The following NRG2 variants were observed in gnomAD, a reference collection of about 807,000 sequenced individuals.
NRG2 encodes the protein pro-neuregulin-2, membrane-bound isoform.
A neutral mutation model predicts 73.9 loss-of-function variants in NRG2; 27 were observed. That is an observed-to-expected ratio of 0.37 (90% CI 0.27 to 0.50). The LOEUF (loss-of-function observed/expected upper bound fraction) is 0.50, where lower values mean the gene tolerates loss of function less well. Among genes scored for constraint, NRG2 ranks in the 20% least tolerant of loss-of-function variants. The probability of loss-of-function intolerance (pLI) is 0.96; values close to 1 mark genes in which losing one functional copy is unlikely to be tolerated. For missense variants in NRG2, 1,126 were observed against 1,210.1 expected, an observed-to-expected ratio of 0.93 and a Z score of 1.03; for synonymous variants, 532 against 541.0, an observed-to-expected ratio of 0.98 and a Z score of 0.23.
At chr5:139,948,252 G>C (rs1053847582) in intron 1 of NRG2, among the ~76,000 whole-genome samples, 7 of 152,192 alleles carry the variant, frequency 4.6e-5, no homozygotes, top group African/African-American at 1.7e-4. Flanking sequence ...TCTTTCCTGA[G>C]ACGAATACTC....
At position 139,856,024 on chromosome 5, in the gene NRG2, C is replaced by T. The variant is rs1761786386; in HGVS notation, c.1190-246G>A. ...CACAACTCCTCCTGAGTTCCCCTCC[C>T]CAAGCCCCATGCCTGCCCAGAGCAC... On this transcript the variant is annotated intron_variant, in intron 5 of 9. Coordinates refer to ENST00000361474, the MANE Select transcript of NRG2 (RefSeq NM_004883.3). The surrounding 1 kb of genome is among the most constrained non-coding windows in gnomAD (Gnocchi z 4.2). 1.9e-6 allele frequency: 1 copy of T among 538,306 alleles called. No individual in the cohort carries two copies. The highest frequency in any genetic ancestry group is 3.4e-6 in the Non-Finnish European group (1 of 297,686). 33.3% of individuals were successfully genotyped at this position (538,306 alleles called of 1,614,324 possible). A position where few individuals can be genotyped will look rare whatever the true frequency, so the allele number is the denominator to read the frequency against.
chr5:139,999,045 C>T (rs1026831577), intron 1 of NRG2, among the ~76,000 whole-genome samples: 2 of 152,160 alleles, frequency 1.3e-5, no homozygotes, highest in Non-Finnish European at 2.9e-5. Context: ...CTAGGGACTT[C>T]ACTGTCCTAA....
At chr5:139,940,467 T>C (rs1222463420) in intron 1 of NRG2, among the ~76,000 whole-genome samples, 1 of 152,224 alleles carries the variant, frequency 6.6e-6, no homozygotes, top group Non-Finnish European at 1.5e-5. Context: ...TGTAGTGATG[T>C]TTACCTGACT....
chr5:139,911,871 A>G (rs1286700840), intron 1 of NRG2, among the ~76,000 whole-genome samples: 3 of 152,220 alleles, frequency 2.0e-5, no homozygotes, highest in African/African-American at 7.2e-5. Flanking sequence ...CTATGTAAGT[A>G]CCTAATTTAT....
In NRG2 at chr5:140,043,001, G is replaced by A; in HGVS notation, c.69C>T (p.Ser23=). ...TCTCGCTGCTGCTGCTGCTGCTGTC[G>A]CTGTAGCTGCTGCACCGACCCTTCT... The part of the protein sequence containing the change: ...PLEKGRCSSY[S]DSSSSSSERS... The change falls in exon 1 of 10, where the codon AGC becomes AGT. Residue 23 remains serine, a synonymous_variant. Transcript: ENST00000361474. The surrounding 1 kb of genome is among the most constrained non-coding windows in gnomAD (Gnocchi z 6.7). 6.4e-7 allele frequency: 1 copy of A among 1,565,584 alleles called. No homozygotes were observed.
rs1765079165 is a variant in NRG2, at chr5:139,904,310, T to C, written c.701-16799A>G. 6.3e-7 allele frequency: 1 copy of C among 1,590,246 alleles called. No individual in the cohort carries two copies. On this transcript the variant is annotated intron_variant, in intron 1 of 9. Coordinates refer to ENST00000361474, the MANE Select transcript of NRG2 (RefSeq NM_004883.3). This position sits in a 1 kb window ranked among gnomAD's most constrained non-coding sequence, Gnocchi z 6.0. ...TGGGCGCGCGGAGGTGCCCTACCTT[T>C]CTCCCCGGGATCGGGCTCCCTCTCC... is the stretch of plus-strand genomic sequence containing the variant.
intron 1 of NRG2, among the ~76,000 whole-genome samples, chr5:139,986,645 T>A (rs1391037160): frequency 6.6e-6 from 1 of 152,140 alleles, no homozygotes; most frequent in Non-Finnish European, 1.5e-5. Context: ...ACCTCTGCAG[T>A]GATGTTCTGT....
At position 139,847,654 on chromosome 5, in the gene NRG2, TTTG is replaced by T. The variant is rs978241663; in HGVS notation, c.*260_*262del. 1.1e-4 allele frequency: 35 copies of T among 309,906 alleles called. No individual in the cohort carries two copies. The highest frequency in any genetic ancestry group is 2.6e-4 in the African/African-American group (12 of 46,396). 19.2% of individuals were successfully genotyped at this position (309,906 alleles called of 1,614,324 possible). A position where few individuals can be genotyped will look rare whatever the true frequency, so the allele number is the denominator to read the frequency against. On this transcript the variant is annotated 3_prime_UTR_variant, in exon 10 of 10. Coordinates refer to ENST00000361474, the MANE Select transcript of NRG2 (RefSeq NM_004883.3). ...AAAATTGGCCCATCTCTCTTTTTTT[TTTG>T]TTGTTTCTTTTTTTTTTCCGAAGCT... is the stretch of plus-strand genomic sequence containing the variant.
In NRG2 at chr5:140,023,937, T is replaced by C. The variant is rs1271341480; in HGVS notation, c.700+18433A>G. Among the ~76,000 whole-genome samples the C allele has an allele frequency of 2.6e-5, 4 of 152,160 alleles. No individual in the cohort carries two copies. The South Asian group carries it at 6.2e-4, about 24-fold the overall frequency. On this transcript the variant is annotated intron_variant, in intron 1 of 9. Transcript: ENST00000361474. ...CCAAGCAGGCCAAGTCTTCTATCTA[T>C]GGAGTGCAGAGAGGTCACCTTGAGC... is the stretch of plus-strand genomic sequence containing the variant.
intron 1 of NRG2, among the ~76,000 whole-genome samples, chr5:140,030,118 C>G (rs190254543): frequency 6.6e-6 from 1 of 152,172 alleles, no homozygotes; most frequent in South Asian, 2.1e-4. Context: ...CACTATTGAT[C>G]GCCCTTTTCT....
intron 1 of NRG2, among the ~76,000 whole-genome samples, chr5:139,952,299 C>T (rs1233198845): frequency 1.3e-5 from 2 of 152,152 alleles, no homozygotes; most frequent in Admixed American, 6.5e-5. Flanking sequence ...CAGGGCCCAG[C>T]CTCTGTACCT....
intron 3 of NRG2, among the ~76,000 whole-genome samples, chr5:139,879,308 A>C (rs912961152): frequency 6.6e-6 from 1 of 152,182 alleles, no homozygotes; most frequent in African/African-American, 2.4e-5. Flanking sequence ...CAAAGGCTAG[A>C]ATTCAAGAGA....
chr5:139,981,005 T>C (rs264347), intron 1 of NRG2, among the ~76,000 whole-genome samples: 88,653 of 151,986 alleles, frequency 0.58, 27,542 homozygotes, highest in African/African-American at 0.8. Context: ...GCTCCTGGGG[T>C]GCAGCGTGGC....
In NRG2 at chr5:139,848,533, G is replaced by A. The variant is rs1256459253; in HGVS notation, c.1937C>T (p.Pro646Leu). ...GGGGGGCGCCGGGTGCCGCAGTAACGGCTGCTGCTCGGCCAGGCGGTAACT... is the reference window on the plus strand; with the variant it reads ...GGGGGGCGCCGGGTGCCGCAGTAACAGCTGCTGCTCGGCCAGGCGGTAACT... ...PISYRLAEQQ[P>L]LLRHPAPPGP... The change falls in exon 10 of 10, where the codon CCG becomes CTG. Residue 646 changes from proline to leucine, a missense_variant. By Grantham distance (98) the Pro-to-Leu change is moderately conservative. This residue lies in a region of NRG2 where 402 missense variants were observed against 357.8 expected (regional missense o/e 1.12). Coordinates refer to ENST00000361474, the MANE Select transcript of NRG2 (RefSeq NM_004883.3). 2.1e-6 allele frequency: 3 copies of A among 1,462,594 alleles called. No individual in the cohort carries two copies. The highest frequency in any genetic ancestry group is 1.9e-4 in the Middle Eastern group (1 of 5,346). The allele number at this position is 1,462,594 out of a possible 1,614,324, so 90.6% of individuals were successfully genotyped here.
At chr5:140,038,869 G>C (rs925308915) in intron 1 of NRG2, among the ~76,000 whole-genome samples, 3 of 152,176 alleles carry the variant, frequency 2.0e-5, no homozygotes, top group Non-Finnish European at 4.4e-5. Flanking sequence ...TTCTAATCTA[G>C]TTTCACTTTC....
intron 1 of NRG2, among the ~76,000 whole-genome samples, chr5:139,958,480 T>G (rs1454193432): frequency 6.6e-6 from 1 of 152,136 alleles, no homozygotes; most frequent in African/African-American, 2.4e-5. Context: ...TGGGAGTTAT[T>G]TGAGCTGAAA....
chr5:139,876,730 G>A (rs1056025416), intron 3 of NRG2, among the ~76,000 whole-genome samples: 20 of 151,884 alleles, frequency 1.3e-4, no homozygotes, highest in African/African-American at 4.4e-4. Flanking sequence ...TTTATCCATC[G>A]AGGCCCCTTT....
At chr5:139,983,661 A>G (rs1756970679) in intron 1 of NRG2, among the ~76,000 whole-genome samples, 1 of 152,218 alleles carries the variant, frequency 6.6e-6, no homozygotes, top group East Asian at 1.9e-4. Flanking sequence ...TTTTCACAAT[A>G]TTCCTTTATG....
chr5:139,880,342 A>G (rs1276269352), intron 3 of NRG2, among the ~76,000 whole-genome samples: 1 of 152,164 alleles, frequency 6.6e-6, no homozygotes, highest in East Asian at 1.9e-4. Context: ...CAAGACTTCA[A>G]GGAGTGAGGA....
Sources: gnomAD v4.1 joint callset for allele counts (sites outside exome capture counted in the v4.1 genomes callset) on GRCh38, gnomAD v4.1.1 for gene constraint, gnomAD v4.1.1 regional missense constraint, Gnocchi (gnomAD v3.1) non-coding constraint, MANE v1.5 for transcripts, NCBI Gene and HGNC (gene_info 2026-07-23, HGNC 2026-07-21) for gene names.